Variants in PTPRD observed in about 807,000 individuals in gnomAD.
PTPRD encodes the protein receptor-type tyrosine-protein phosphatase delta.
PTPRD carries 34 observed loss-of-function variants against 214.5 expected under a neutral mutation model. The ratio of observed to expected loss-of-function variants is 0.16; its 90% CI spans 0.12 to 0.21. PTPRD has a LOEUF of 0.21. Ranked by LOEUF, PTPRD falls within the 10% of genes least tolerant of loss-of-function variation. PTPRD has a pLI of 1.00. For missense variants in PTPRD, 2,545 were observed against 2,398.7 expected (o/e 1.06, Z -1.27); for synonymous variants, 1,128 against 845.7 (o/e 1.33, Z -5.79).
chr9:9,223,271 C>A (rs1024896437), intron 9 of PTPRD, among the ~76,000 whole-genome samples: 4 of 151,890 alleles, frequency 2.6e-5, no homozygotes, highest in Non-Finnish European at 4.4e-5. Context: ...CAGCATAAGG[C>A]ACAATGTCTA....
intron 8 of PTPRD, among the ~76,000 whole-genome samples, chr9:9,559,361 C>A (rs1195154223): frequency 6.6e-6 from 1 of 152,258 alleles, no homozygotes; most frequent in Non-Finnish European, 1.5e-5. Context: ...TTAATGAACA[C>A]TGGCACTTAG....
intron 11 of PTPRD, among the ~76,000 whole-genome samples, chr9:8,899,045 C>G (rs973114051): frequency 2.0e-5 from 3 of 152,114 alleles, no homozygotes; most frequent in South Asian, 2.1e-4. Context: ...ATCCACCTAT[C>G]AAATGTCTCC....
chr9:10,442,906 T>C (rs578204464), intron 2 of PTPRD, among the ~76,000 whole-genome samples: 1 of 151,518 alleles, frequency 6.6e-6, no homozygotes, highest in East Asian at 1.9e-4. Flanking sequence ...CAAATTACCC[T>C]TTCTTGACAT....
intron 21 of PTPRD, among the ~76,000 whole-genome samples, chr9:8,514,309 G>A (rs1002415462): frequency 6.6e-6 from 1 of 152,006 alleles, no homozygotes; most frequent in Admixed American, 6.6e-5. Flanking sequence ...CATTTTGGTT[G>A]GATTAGGTTT....
chr9:9,426,666 C>T (rs115019331), intron 8 of PTPRD, among the ~76,000 whole-genome samples: 4 of 152,084 alleles, frequency 2.6e-5, no homozygotes, highest in South Asian at 2.1e-4. Flanking sequence ...CAGTAGGGGC[C>T]GACTGACACC....
At chr9:8,389,451 A>G in intron 36 of PTPRD, 44 bp from the exon 37 acceptor site, 1 of 1,497,416 alleles carries the variant, frequency 6.7e-7, no homozygotes, top group South Asian at 1.3e-5. Flanking sequence ...GCACATCACA[A>G]GAGGAAACAG....
intron 3 of PTPRD, among the ~76,000 whole-genome samples, chr9:10,224,430 A>T: frequency 6.6e-6 from 1 of 152,044 alleles, no homozygotes; most frequent in East Asian, 1.9e-4. Context: ...ACATATGCAT[A>T]CATGTGCCAT....
At chr9:9,680,583 C>G (rs992692553) in intron 7 of PTPRD, among the ~76,000 whole-genome samples, 2 of 151,670 alleles carry the variant, frequency 1.3e-5, no homozygotes, top group Non-Finnish European at 2.9e-5. Flanking sequence ...TAAAGAAAGG[C>G]TAAGGTAATA....
At chr9:9,396,205 C>T (rs1334826605) in intron 9 of PTPRD, among the ~76,000 whole-genome samples, 2 of 152,016 alleles carry the variant, frequency 1.3e-5, no homozygotes, top group Non-Finnish European at 2.9e-5. Context: ...AAAACCAAAT[C>T]AAACGTTTGA....
rs562639313 is a variant in PTPRD, at chr9:10,169,410, C to G, written c.-544-135620G>C. Among the ~76,000 whole-genome samples, 7 of 141,224 alleles carry G rather than the reference C, an allele frequency of 5.0e-5. No individual in the cohort carries two copies. The East Asian group carries it at 1.5e-3, about 30-fold the overall frequency. The allele number at this position is 141,224 out of a possible 152,430, so 92.6% of individuals were successfully genotyped here. On this transcript the variant is annotated intron_variant, in intron 3 of 45. Transcript: ENST00000381196. ...AATGGCGTGAACCCCGGAGGCGGAG[C>G]TTGCAGTGAGCAGAGATCGCGCCAC...
intron 35 of PTPRD, among the ~76,000 whole-genome samples, chr9:8,414,812 G>A (rs994132286): frequency 6.8e-6 from 1 of 148,132 alleles, no homozygotes; most frequent in African/African-American, 2.5e-5. Flanking sequence ...TCATGACAGT[G>A]TCATAACCAT....
chr9:9,074,560 A>G (rs542843314), intron 10 of PTPRD, among the ~76,000 whole-genome samples: 2 of 152,208 alleles, frequency 1.3e-5, no homozygotes, highest in Admixed American at 6.5e-5. Context: ...GACCAAGACT[A>G]TGTAAATATT....
At chr9:8,780,281 T>C (rs1300972293) in intron 11 of PTPRD, among the ~76,000 whole-genome samples, 1 of 152,170 alleles carries the variant, frequency 6.6e-6, no homozygotes, top group Non-Finnish European at 1.5e-5. Context: ...ATTTGATAAA[T>C]TTAGGAACTC....
chr9:8,843,468 G>T (rs951792752), intron 11 of PTPRD, among the ~76,000 whole-genome samples: 1 of 152,080 alleles, frequency 6.6e-6, no homozygotes, highest in African/African-American at 2.4e-5. Context: ...GGTAGACTAG[G>T]GCTGTCTAAT....
intron 34 of PTPRD, among the ~76,000 whole-genome samples, chr9:8,437,474 T>A (rs954768964): frequency 6.6e-6 from 1 of 152,150 alleles, no homozygotes; most frequent in East Asian, 1.9e-4. Flanking sequence ...AAGAATGACA[T>A]GCACCACGAC....
chr9:8,344,559 A>G (rs1351610890), intron 39 of PTPRD, among the ~76,000 whole-genome samples: 2 of 151,866 alleles, frequency 1.3e-5, no homozygotes, highest in African/African-American at 2.4e-5. Flanking sequence ...AACAAAACCT[A>G]TTTTTTCCCC....
chr9:9,352,082 A>G (rs1241978444), intron 9 of PTPRD, among the ~76,000 whole-genome samples: 1 of 151,912 alleles, frequency 6.6e-6, no homozygotes, highest in Non-Finnish European at 1.5e-5. Context: ...TGCTGGGATT[A>G]CAGGAATCCC....
chr9:9,690,751 C>G (rs190568252), intron 7 of PTPRD, among the ~76,000 whole-genome samples: 1 of 151,950 alleles, frequency 6.6e-6, no homozygotes, highest in East Asian at 1.9e-4. Flanking sequence ...CTTTCAACAC[C>G]TTTGTTGAAA....
intron 3 of PTPRD, among the ~76,000 whole-genome samples, chr9:10,149,473 T>G (rs2099045736): frequency 2.6e-5 from 4 of 152,154 alleles, no homozygotes; most frequent in Admixed American, 2.6e-4. Flanking sequence ...AGAGTTGGCT[T>G]TAAATGAATA....
Sources: gnomAD v4.1 joint callset for allele counts (sites outside exome capture counted in the v4.1 genomes callset) on GRCh38, gnomAD v4.1.1 for gene constraint, MANE v1.5 for transcripts, NCBI Gene and HGNC (gene_info 2026-07-23, HGNC 2026-07-21) for gene names.